UBXN2A: variants seen among roughly 807,000 people sequenced by gnomAD.
UBXN2A encodes the protein UBX domain-containing protein 2A.
A neutral mutation model predicts 28.4 loss-of-function variants in UBXN2A; 28 were observed. That is an observed-to-expected ratio of 0.99 (90% CI 0.73 to 1.35). The LOEUF (loss-of-function observed/expected upper bound fraction) is 1.35. Ranked by LOEUF, UBXN2A falls within the 40% of genes most tolerant of loss-of-function variation. UBXN2A has a pLI of 0.00. For synonymous variants in UBXN2A, 97 were observed against 103.6 expected, an observed-to-expected ratio of 0.94 and a Z score of 0.39; for missense variants, 253 against 297.9, an observed-to-expected ratio of 0.85 and a Z score of 1.11.
At chr2:23,999,638 T>A (rs1221628381) in intron 6 of UBXN2A, 34 bp from the exon 7 acceptor site, 1 of 1,575,820 alleles carries the variant, frequency 6.3e-7, no homozygotes, top group African/African-American at 1.4e-5. Context: ...CAAATTTTCC[T>A]AAAATTATAT....
At position 23,989,593 on chromosome 2, in the gene UBXN2A, G is replaced by T. The variant is rs545182517; in HGVS notation, c.584+4762G>T. 2.6e-5 allele frequency among the ~76,000 whole-genome samples: 4 copies of T among 151,046 alleles called. No individual in the cohort carries two copies. In the South Asian group the frequency reaches 6.4e-4, roughly 24 times the overall value. On this transcript the variant is annotated intron_variant, in intron 6 of 6. Transcript: ENST00000309033. ...TATATATCAAAAACCGTGAATCCAC[G>T]TAGATACATCCACTTTCAGTCTGGT...
chr2:23,988,943 C>G (rs1048436960), intron 6 of UBXN2A, among the ~76,000 whole-genome samples: 1 of 152,034 alleles, frequency 6.6e-6, no homozygotes, highest in African/African-American at 2.4e-5. Flanking sequence ...GTTTTCAGCA[C>G]AAAATTTTTT....
intron 6 of UBXN2A, among the ~76,000 whole-genome samples, chr2:23,985,179 C>T (rs896352958): frequency 1.1e-4 from 17 of 152,158 alleles, no homozygotes; most frequent in South Asian, 4.1e-4. Context: ...CTGAATTCAT[C>T]GTCCTGCCTT....
At chr2:23,952,107 C>T (rs1441033257) in intron 1 of UBXN2A, among the ~76,000 whole-genome samples, 1 of 151,806 alleles carries the variant, frequency 6.6e-6, no homozygotes, top group Non-Finnish European at 1.5e-5. Flanking sequence ...GCTGGGACTA[C>T]AAGCGCTCGC....
chr2:23,939,343 G>A (rs1344243056), upstream of UBXN2A, among the ~76,000 whole-genome samples: 2 of 152,156 alleles, frequency 1.3e-5, no homozygotes, highest in Non-Finnish European at 2.9e-5. Flanking sequence ...GATTGGGGGA[G>A]GCTACAGCAA....
rs111777267 is a variant in UBXN2A, at chr2:24,002,416, CT to C, written c.*2561del. ...TAAGACCCTGCCGTAATAATAATAACTTTTTTTTTTTTGAGATAGAGTTTTG... is the reference window on the plus strand; with the variant it reads ...TAAGACCCTGCCGTAATAATAATAACTTTTTTTTTTTGAGATAGAGTTTTG... On this transcript the variant is annotated 3_prime_UTR_variant, in exon 7 of 7. Transcript: ENST00000309033. 7.5e-4 allele frequency: 110 copies of C among 146,434 alleles called. No homozygotes were observed. The highest frequency in any genetic ancestry group is 7.1e-4 in the Non-Finnish European group (47 of 66,318). The allele number at this position is 146,434 out of a possible 1,614,324, so 9.1% of individuals were successfully genotyped here. A position where few individuals can be genotyped will look rare whatever the true frequency, so the allele number is the denominator to read the frequency against.
intron 2 of UBXN2A, 120 bp downstream of exon 2, chr2:23,958,475 T>C (rs1471238927): frequency 1.2e-6 from 1 of 863,296 alleles, no homozygotes; most frequent in Non-Finnish European, 1.6e-6. Context: ...ACTACTTCAT[T>C]GTCATCTACT....
intron 1 of UBXN2A, among the ~76,000 whole-genome samples, chr2:23,948,629 T>G (rs1022016640): frequency 2.0e-5 from 3 of 152,150 alleles, no homozygotes; most frequent in Non-Finnish European, 4.4e-5. Context: ...TCTTAGTATC[T>G]TCAGTCCTCA....
chr2:23,944,208 T>G, intron 1 of UBXN2A: 2 of 1,549,280 alleles, frequency 1.3e-6, no homozygotes, highest in South Asian at 2.2e-5. Flanking sequence ...TGCACTCGTC[T>G]TCCCTCTCAT....
intron 5 of UBXN2A, among the ~76,000 whole-genome samples, chr2:23,983,514 A>G (rs1176883480): frequency 6.6e-6 from 1 of 152,140 alleles, no homozygotes; most frequent in African/African-American, 2.4e-5. Context: ...TCTCAAAAAA[A>G]AAGAAATGCC....
chr2:23,946,628 G>A (rs1443032470), intron 1 of UBXN2A, among the ~76,000 whole-genome samples: 1 of 151,792 alleles, frequency 6.6e-6, no homozygotes, highest in African/African-American at 2.4e-5. Context: ...GCCAATTTTT[G>A]TATTTTTAGT....
At chr2:23,935,400 C>CA (rs200349878) in intron 1 of UBXN2A, among the ~76,000 whole-genome samples, 135 of 151,534 alleles carry the variant, frequency 8.9e-4, no homozygotes, top group Middle Eastern at 3.4e-3. Context: ...ACAACAACAA[C>CA]AAAAAAAACC....
At chr2:23,941,149 G>A (rs1317724003) in intron 1 of UBXN2A, among the ~76,000 whole-genome samples, 1 of 150,088 alleles carries the variant, frequency 6.7e-6, no homozygotes, top group Admixed American at 6.6e-5. Context: ...TTTCCTTTTC[G>A]CTGCCAGTAA....
At chr2:23,995,622 G>T (rs948540302) in intron 6 of UBXN2A, among the ~76,000 whole-genome samples, 1 of 151,430 alleles carries the variant, frequency 6.6e-6, no homozygotes, top group Non-Finnish European at 1.5e-5. Context: ...GAACCCAGGG[G>T]GCGGAGCTTG....
intron 1 of UBXN2A, among the ~76,000 whole-genome samples, chr2:23,949,251 CA>C (rs1706245859): frequency 1.3e-5 from 2 of 151,918 alleles, no homozygotes; most frequent in South Asian, 4.2e-4. Context: ...CATGAGCCAC[CA>C]CACCCAACCC....
intron 4 of UBXN2A, among the ~76,000 whole-genome samples, chr2:23,982,634 A>T (rs1321154077): frequency 1.3e-5 from 2 of 152,184 alleles, no homozygotes; most frequent in African/African-American, 4.8e-5. Context: ...CAGAAAATTT[A>T]AAAAATATAT....
chr2:23,931,072 A>G (rs940191066), intron 1 of UBXN2A, among the ~76,000 whole-genome samples: 6 of 152,040 alleles, frequency 3.9e-5, no homozygotes, highest in Non-Finnish European at 5.9e-5. Flanking sequence ...CTACTCAGCA[A>G]TTCTTTGCCT....
chr2:23,959,234 G>A (rs1196563512), intron 2 of UBXN2A, among the ~76,000 whole-genome samples: 3 of 152,308 alleles, frequency 2.0e-5, no homozygotes, highest in Non-Finnish European at 4.4e-5. Flanking sequence ...GCTCACGCCT[G>A]TAATCTCAGC....
chr2:23,988,395 G>A (rs1708214838), intron 6 of UBXN2A, among the ~76,000 whole-genome samples: 1 of 152,222 alleles, frequency 6.6e-6, no homozygotes, highest in South Asian at 2.1e-4. Context: ...GCACTTAGTT[G>A]TCGTATCTCA....
Sources: gnomAD v4.1 joint callset for allele counts (sites outside exome capture counted in the v4.1 genomes callset) on GRCh38, gnomAD v4.1.1 for gene constraint, MANE v1.5 for transcripts, NCBI Gene and HGNC (gene_info 2026-07-23, HGNC 2026-07-21) for gene names.